Variants in GBP7 observed in about 807,000 individuals in gnomAD.
GBP7 encodes the protein guanylate-binding protein 7.
Under a neutral mutation model 61.3 loss-of-function variants are expected in GBP7, and 43 were observed. That is an observed-to-expected ratio of 0.70 (90% CI 0.55 to 0.91). The LOEUF is 0.91. GBP7 is among the 40% of genes least tolerant of loss of function. GBP7 has a pLI of 0.00. For synonymous variants in GBP7, 267 were observed against 271.0 expected (o/e 0.99, Z 0.14); for missense variants, 717 against 740.5 (o/e 0.97, Z 0.37).
At chr1:89,138,775 G>T (rs1681869753) in intron 9 of GBP7, among the ~76,000 whole-genome samples, 1 of 152,096 alleles carries the variant, frequency 6.6e-6, no homozygotes, top group Admixed American at 6.6e-5. Flanking sequence ...CACTGGCAAA[G>T]ATTTCCTGAT....
At chr1:89,140,749 G>A (rs7518245) in intron 9 of GBP7, among the ~76,000 whole-genome samples, 96,327 of 152,096 alleles carry the variant, frequency 0.63, 31,058 homozygotes, top group East Asian at 0.78. Context: ...ACATGAATGT[G>A]CATGTTCATC....
Position 89,150,533 on chromosome 1 carries a change from C to T in GBP7, c.668G>A (p.Trp223Ter), listed in dbSNP as rs150032762. 1.4e-5 allele frequency: 23 copies of T among 1,613,786 alleles called. No homozygotes were observed. The Middle Eastern group carries it at 6.6e-4, about 46-fold the overall frequency. ...CTGTTTTGGAAAGAAATGCCTGATC[C>T]ACTCCCTGGGCTTGTTAGAATTTTG... ...QIQNSNKPRE[W>*]IRHFFPKQKC... Residue 223 changes from tryptophan to a stop codon, truncating the protein, a stop_gained, in exon 6 of 11, where the codon TGG becomes TAG. Transcript: ENST00000294671. LOFTEE classifies it high-confidence loss of function.
intron 1 of GBP7, among the ~76,000 whole-genome samples, chr1:89,174,739 C>T (rs1204920542): frequency 7.2e-5 from 11 of 152,176 alleles, no homozygotes; most frequent in Admixed American, 5.9e-4. Flanking sequence ...ATAGCTCGCA[C>T]CTGACACTTA....
Position 89,153,798 on chromosome 1 carries a change from A to G in GBP7, c.319-1021T>C, listed in dbSNP as rs373042447. ...GAAAATAAAGAGAAACAAATGCTCT[A>G]TGAGTTCAAGCAAGAAGTTACTATG... On this transcript the variant is annotated intron_variant, in intron 3 of 10. Coordinates refer to ENST00000294671, the MANE Select transcript of GBP7 (RefSeq NM_207398.3). 3.9e-4 allele frequency among the ~76,000 whole-genome samples: 59 copies of G among 152,346 alleles called. 6 individuals carry two copies. The highest frequency in any genetic ancestry group is 9.1e-4 in the Admixed American group (14 of 15,306).
rs1315463856 is a variant in GBP7 at position 89,132,184 on chromosome 1, T to A, written c.1882A>T (p.Arg628Trp). ...GMKILSSLCNRLRNPGKKIIS is the reference protein window; with the variant it reads ...GMKILSSLCNWLRNPGKKIIS ...ATTTTCTTACCAGGATTTCTCAGCC[T>A]ATTACATAATGAGCTAAGAATTTTC... The change falls in exon 11 of 11, where the codon AGG (arginine) becomes TGG (tryptophan). Residue 628 changes from arginine to tryptophan, a missense_variant. This residue lies in a region of GBP7 where 312 missense variants were observed against 310.1 expected (regional missense o/e 1.01). Coordinates refer to ENST00000294671, the MANE Select transcript of GBP7 (RefSeq NM_207398.3). 6.2e-7 allele frequency: 1 copy of A among 1,611,890 alleles called. No individual in the cohort carries two copies. The highest frequency in any genetic ancestry group is 8.5e-7 in the Non-Finnish European group (1 of 1,178,440).
intron 3 of GBP7, among the ~76,000 whole-genome samples, chr1:89,161,551 G>A (rs1438851126): frequency 6.6e-6 from 1 of 151,360 alleles, no homozygotes; most frequent in Non-Finnish European, 1.5e-5. Flanking sequence ...TTTTCCATAT[G>A]ATTGTTGGCT....
At chr1:89,141,295 G>C (rs1681941291) in intron 9 of GBP7, among the ~76,000 whole-genome samples, 1 of 152,010 alleles carries the variant, frequency 6.6e-6, no homozygotes, top group Non-Finnish European at 1.5e-5. Context: ...AAAGCACCAA[G>C]GTGGGGAATT....
chr1:89,155,994 C>T (rs1682308412), intron 3 of GBP7, among the ~76,000 whole-genome samples: 1 of 152,214 alleles, frequency 6.6e-6, no homozygotes, highest in African/African-American at 2.4e-5. Flanking sequence ...GCCCATCAGA[C>T]TAATAGCAGA....
At chr1:89,134,742 G>T (rs762059957) in intron 9 of GBP7, among the ~76,000 whole-genome samples, 4 of 152,192 alleles carry the variant, frequency 2.6e-5, no homozygotes, top group Admixed American at 6.5e-5. Context: ...AGCCCACACA[G>T]ATGAGAAAGA....
intron 2 of GBP7, among the ~76,000 whole-genome samples, chr1:89,171,293 C>G (rs140869561): frequency 1.0e-3 from 156 of 152,198 alleles, no homozygotes; most frequent in African/African-American, 3.3e-3. Context: ...TGACTGGTAG[C>G]TTGGTGCTTT....
intron 3 of GBP7, among the ~76,000 whole-genome samples, chr1:89,153,401 A>G (rs1682248370): frequency 6.6e-6 from 1 of 152,250 alleles, no homozygotes; most frequent in Non-Finnish European, 1.5e-5. Flanking sequence ...TTCTTTAGAT[A>G]TTAAAAGTAG....
chr1:89,164,817 T>G lies in GBP7; in HGVS notation c.232A>C (p.Ile78Leu). The stretch of plus-strand genomic sequence containing the variant: ...GGGTGGGGCACACACCACATCCAGA[T>G]GCCTTTGGTTTCAGACTTCACTGTG... Reference protein sequence around the residue: ...GCTVKSETKGIWMWCVPHPSK... With the variant: ...GCTVKSETKGLWMWCVPHPSK... Residue 78 changes from isoleucine (I) to leucine (L), a missense_variant, in exon 3 of 11, where the codon ATC becomes CTC. Physicochemically the swap from Ile to Leu is conservative, Grantham distance 5. Around this residue, in one of 3 missense-constraint regions of GBP7, gnomAD observed 387 missense variants for 385.2 expected, o/e 1.00. Coordinates refer to ENST00000294671, the MANE Select transcript of GBP7 (RefSeq NM_207398.3). 1 of 1,613,958 alleles carries G rather than the reference T, an allele frequency of 6.2e-7. No individual in the cohort carries two copies. The highest frequency in any genetic ancestry group is 8.5e-7 in the Non-Finnish European group (1 of 1,179,878).
intron 9 of GBP7, among the ~76,000 whole-genome samples, chr1:89,136,528 C>G (rs1390136909): frequency 6.6e-6 from 1 of 151,986 alleles, no homozygotes; most frequent in African/African-American, 2.4e-5. Flanking sequence ...TATACAATTA[C>G]ATGAAAATTA....
intron 3 of GBP7, among the ~76,000 whole-genome samples, chr1:89,155,100 G>T (rs1682283806): frequency 6.6e-6 from 1 of 152,210 alleles, no homozygotes; most frequent in Admixed American, 6.5e-5. Context: ...GTCTGGAGTG[G>T]ACCTCCAGCA....
At position 89,154,374 on chromosome 1, in the gene GBP7, G is replaced by A. The variant is rs182075499; in HGVS notation, c.319-1597C>T. On this transcript the variant is annotated intron_variant, in intron 3 of 10. Transcript: ENST00000294671. ...TATTTTCTTTTTTTCTTTTTTTTGA[G>A]ATGGAGACTTGCTCTGTTGCCCAGG... 1.1e-3 allele frequency among the ~76,000 whole-genome samples: 163 copies of A among 151,782 alleles called. 4 individuals are homozygous for A. The East Asian group carries it at 0.027, about 25-fold the overall frequency.
At chr1:89,172,116 G>C (rs2100663483) in intron 1 of GBP7, among the ~76,000 whole-genome samples, 162 bp from the exon 2 acceptor site, 1 of 152,290 alleles carries the variant, frequency 6.6e-6, no homozygotes, top group Admixed American at 6.5e-5. Context: ...CTGGGCCACT[G>C]TCTGCCCTTT....
intron 1 of GBP7, among the ~76,000 whole-genome samples, chr1:89,174,356 G>A (rs1647683891): frequency 6.6e-6 from 1 of 152,058 alleles, no homozygotes; most frequent in Admixed American, 6.6e-5. Flanking sequence ...GTACAAGGTT[G>A]CATTCCCACC....
intron 3 of GBP7, among the ~76,000 whole-genome samples, chr1:89,157,632 A>C (rs1284963167): frequency 6.6e-6 from 1 of 152,182 alleles, no homozygotes. Flanking sequence ...CTGGACATAC[A>C]CACCCTCCAA....
chr1:89,163,388 T>C (rs2100657185), intron 3 of GBP7, among the ~76,000 whole-genome samples: 1 of 151,776 alleles, frequency 6.6e-6, no homozygotes, highest in South Asian at 2.1e-4. Context: ...AATCCATCTG[T>C]TTCTGGGCTT....
Sources: gnomAD v4.1 joint callset for allele counts (sites outside exome capture counted in the v4.1 genomes callset) on GRCh38, gnomAD v4.1.1 for gene constraint, gnomAD v4.1.1 regional missense constraint, MANE v1.5 for transcripts, NCBI Gene and HGNC (gene_info 2026-07-23, HGNC 2026-07-21) for gene names.